SPSB1: variants seen among roughly 807,000 people sequenced by gnomAD.
SPSB1 encodes splA/ryanodine receptor domain and SOCS box containing 1, also known as SPRY domain-containing SOCS box protein 1.
In SPSB1, 8 loss-of-function variants were observed where a neutral mutation model predicts 21.2. The ratio of observed to expected loss-of-function variants is 0.38; its 90% CI spans 0.22 to 0.68. The LOEUF (loss-of-function observed/expected upper bound fraction) is 0.68, where lower values mean the gene tolerates loss of function less well. SPSB1 is among the 30% of genes least tolerant of loss of function. The pLI is 0.53. For synonymous variants in SPSB1, 169 were observed against 161.7 expected, an observed-to-expected ratio of 1.05 and a Z score of -0.34; for missense variants, 242 against 377.8, an observed-to-expected ratio of 0.64 and a Z score of 2.98.
intron 1 of SPSB1, among the ~76,000 whole-genome samples, chr1:9,336,853 T>G (rs1640012960): frequency 6.6e-6 from 1 of 152,214 alleles, no homozygotes; most frequent in South Asian, 2.1e-4. Context: ...GTTCTTTCTA[T>G]AGTCCCTGTC....
intron 1 of SPSB1, among the ~76,000 whole-genome samples, chr1:9,299,757 G>A (rs921934845): frequency 2.0e-5 from 3 of 152,004 alleles, no homozygotes; most frequent in African/African-American, 4.8e-5. Context: ...GGGATTACAG[G>A]CATGAGCCAC....
At chr1:9,339,163 C>G (rs999217634) in intron 1 of SPSB1, 1 of 970,026 alleles carries the variant, frequency 1.0e-6, no homozygotes, top group African/African-American at 1.8e-5. Context: ...TGCCCTCACC[C>G]CTCTTCTGTC....
At chr1:9,359,123 G>T (rs55642682) in intron 2 of SPSB1, among the ~76,000 whole-genome samples, 9,233 of 152,288 alleles carry the variant, frequency 0.061, 365 homozygotes, top group Non-Finnish European at 0.093. Flanking sequence ...CTATTAGTCA[G>T]TGACGAGGAT....
At chr1:9,318,923 C>T (rs1639659287) in intron 1 of SPSB1, among the ~76,000 whole-genome samples, 1 of 152,152 alleles carries the variant, frequency 6.6e-6, no homozygotes, top group Admixed American at 6.5e-5. Flanking sequence ...GGCGCAGTGG[C>T]TCACACCTGT....
chr1:9,343,767 C>A (rs976339539), intron 1 of SPSB1, among the ~76,000 whole-genome samples: 14 of 151,864 alleles, frequency 9.2e-5, no homozygotes, highest in Non-Finnish European at 1.8e-4. Flanking sequence ...GTACAGAGAT[C>A]CTTCCCATTA....
rs1007228607 is a variant in SPSB1, at chr1:9,345,259, G to T, written c.-149-10484G>T. Among the ~76,000 whole-genome samples the T allele has an allele frequency of 6.6e-6, 1 of 152,196 alleles. No individual in the cohort carries two copies. Among genetic ancestry groups the T allele is most frequent in the Non-Finnish European group, 1.5e-5 (1 of 68,036 alleles). The stretch of plus-strand genomic sequence containing the variant: ...GGGTTGGAGGGCAAAGAGCACCAGC[G>T]TCTCTGAGCCTGTCCCCGTGGGTAC... On this transcript the variant is annotated intron_variant, in intron 1 of 2. Transcript: ENST00000328089. This position sits in a 1 kb window ranked among gnomAD's most constrained non-coding sequence, Gnocchi z 4.8.
chr1:9,367,075 C>T lies in SPSB1; in HGVS notation c.695-373C>T, dbSNP rs903045780. On this transcript the variant is annotated intron_variant, in intron 2 of 2. Coordinates refer to ENST00000328089, the MANE Select transcript of SPSB1 (RefSeq NM_025106.4). The surrounding 1 kb of genome is among the most constrained non-coding windows in gnomAD (Gnocchi z 5.9). ...GGGAAGAGCAGGGATCGCCTGGGTTCGAATCCTAGCTGCATCTCCTGCCAG... is the reference window on the plus strand; with the variant it reads ...GGGAAGAGCAGGGATCGCCTGGGTTTGAATCCTAGCTGCATCTCCTGCCAG... 6.6e-6 allele frequency among the ~76,000 whole-genome samples: 1 copy of T among 152,156 alleles called. No individual in the cohort carries two copies. The highest frequency in any genetic ancestry group is 6.5e-5 in the Admixed American group (1 of 15,282).
intron 1 of SPSB1, among the ~76,000 whole-genome samples, chr1:9,334,749 C>T (rs769151536): frequency 6.6e-6 from 1 of 152,184 alleles, no homozygotes; most frequent in Non-Finnish European, 1.5e-5. Flanking sequence ...CTTTCTGTCT[C>T]TATGGATCCG....
chr1:9,337,595 C>T (rs1010082220), intron 1 of SPSB1, among the ~76,000 whole-genome samples: 18 of 152,184 alleles, frequency 1.2e-4, no homozygotes, highest in Non-Finnish European at 5.9e-5. Context: ...GCTGTGAGTG[C>T]AGCGCCTCCA....
At chr1:9,355,437 A>C (rs973601234) in intron 1 of SPSB1, among the ~76,000 whole-genome samples, 3 of 152,226 alleles carry the variant, frequency 2.0e-5, no homozygotes, top group African/African-American at 7.2e-5. Context: ...TGGAACCCTG[A>C]TGAGGTATTT....
intron 1 of SPSB1, among the ~76,000 whole-genome samples, chr1:9,304,664 A>G (rs1182621752): frequency 6.6e-6 from 1 of 152,056 alleles, no homozygotes; most frequent in Non-Finnish European, 1.5e-5. Flanking sequence ...GGTCATCGTG[A>G]ATAATGACCT....
intron 2 of SPSB1, among the ~76,000 whole-genome samples, chr1:9,361,544 A>ACC (rs542832579): frequency 6.7e-6 from 1 of 149,980 alleles, no homozygotes; most frequent in African/African-American, 2.5e-5. Flanking sequence ...GCCAGGCAGA[A>ACC]CCCCCCCGCA....
In SPSB1 at chr1:9,305,088, C is replaced by G. The variant is rs1239926199; in HGVS notation, c.-150+12017C>G. On this transcript the variant is annotated intron_variant, in intron 1 of 2. Transcript: ENST00000328089. The surrounding 1 kb of genome is among the most constrained non-coding windows in gnomAD (Gnocchi z 4.8). ...CTACAGGGGCCTCTCCCACTTCTCC[C>G]TCTCGCCCTTGTGGCCCATCTGCCC... Among the ~76,000 whole-genome samples, 3 of 152,148 alleles carry G rather than the reference C, an allele frequency of 2.0e-5. No individual in the cohort carries two copies. The highest frequency in any genetic ancestry group is 4.4e-5 in the Non-Finnish European group (3 of 68,016).
intron 1 of SPSB1, among the ~76,000 whole-genome samples, chr1:9,354,450 G>T (rs543281527): frequency 6.6e-6 from 1 of 152,032 alleles, no homozygotes; most frequent in African/African-American, 2.4e-5. Context: ...GGCCTCTCTG[G>T]TCCCTTCCAG....
At chr1:9,298,848 G>C (rs1259952515) in intron 1 of SPSB1, among the ~76,000 whole-genome samples, 1 of 152,214 alleles carries the variant, frequency 6.6e-6, no homozygotes, top group Non-Finnish European at 1.5e-5. Context: ...TCCACACACT[G>C]GTTCCCTGCC....
chr1:9,319,641 G>A (rs867383766), intron 1 of SPSB1, among the ~76,000 whole-genome samples: 6 of 152,204 alleles, frequency 3.9e-5, no homozygotes, highest in Admixed American at 6.5e-5. Context: ...CTGGTATTCC[G>A]TTCCGGCTGG....
chr1:9,332,433 A>G (rs1639936468), intron 1 of SPSB1, among the ~76,000 whole-genome samples: 1 of 152,174 alleles, frequency 6.6e-6, no homozygotes, highest in Non-Finnish European at 1.5e-5. Context: ...GAGGTTGATG[A>G]TAGAAATTGG....
chr1:9,360,375 G>A (rs1009715320), intron 2 of SPSB1, among the ~76,000 whole-genome samples: 4 of 152,204 alleles, frequency 2.6e-5, no homozygotes, highest in Non-Finnish European at 5.9e-5. Flanking sequence ...GAGTCACTTG[G>A]GTCAGGGGGC....
intron 2 of SPSB1, among the ~76,000 whole-genome samples, chr1:9,361,073 G>A (rs944925278): frequency 6.6e-6 from 1 of 151,994 alleles, no homozygotes; most frequent in African/African-American, 2.4e-5. Context: ...GGGTGTCCTG[G>A]TGAGATCGAA....
Sources: allele counts gnomAD v4.1 joint callset (sites outside exome capture counted in the v4.1 genomes callset), GRCh38; gene constraint gnomAD v4.1.1; non-coding constraint Gnocchi (gnomAD v3.1); transcripts MANE v1.5; gene names NCBI Gene and HGNC (gene_info 2026-07-23, HGNC 2026-07-21).